Variants in C19orf38 observed in about 807,000 individuals in gnomAD.
C19orf38 encodes the protein protein HIDE1.
A neutral mutation model predicts 26.6 loss-of-function variants in C19orf38; 14 were observed. The observed-to-expected ratio is 0.53, with a 90% CI of 0.35 to 0.82. The LOEUF (loss-of-function observed/expected upper bound fraction) is 0.82, where lower values mean the gene tolerates loss of function less well. Among genes scored for constraint, C19orf38 ranks in the 40% least tolerant of loss-of-function variants. C19orf38 has a pLI of 0.01. For missense variants in C19orf38, 261 were observed against 299.5 expected, an observed-to-expected ratio of 0.87 and a Z score of 0.95; for synonymous variants, 132 against 128.5, an observed-to-expected ratio of 1.03 and a Z score of -0.18.
chr19:10,837,947 A>G (rs1234499307), intron 1 of C19orf38, among the ~76,000 whole-genome samples: 1 of 151,876 alleles, frequency 6.6e-6, no homozygotes, highest in East Asian at 2.0e-4. Context: ...CTACAGGTGT[A>G]CACCTCCATG....
upstream of C19orf38, among the ~76,000 whole-genome samples, chr19:10,847,899 G>A (rs566135958): frequency 7.2e-5 from 11 of 152,168 alleles, no homozygotes; most frequent in South Asian, 2.1e-3. Context: ...TCTCTTAGAA[G>A]GAGAGACAAA....
At chr19:10,849,106 C>T (rs1011045498) in intron 1 of C19orf38, among the ~76,000 whole-genome samples, 2 of 151,826 alleles carry the variant, frequency 1.3e-5, no homozygotes, top group Non-Finnish European at 2.9e-5. Context: ...TCTCACTCAC[C>T]CCCTCCCCTT....
rs144441655 is a variant in C19orf38, at chr19:10,841,568, A to G, written c.-69+4798A>G. Among the ~76,000 whole-genome samples, 309 of 151,860 alleles carry G rather than the reference A, an allele frequency of 2.0e-3. 1 individual carries two copies. The highest frequency in any genetic ancestry group is 7.2e-3 in the African/African-American group (299 of 41,430). On this transcript the variant is annotated intron_variant, in intron 1 of 7. Transcript: ENST00000592854. ...AGCACTTTGGGAGGCCGAGGTGGGT[A>G]GATCACAAGGTCAGGAGATCGAGAC...
upstream of C19orf38, among the ~76,000 whole-genome samples, chr19:10,846,518 A>T (rs1044796908): frequency 4.6e-5 from 7 of 152,282 alleles, no homozygotes; most frequent in Non-Finnish European, 4.4e-5. Flanking sequence ...CAGAAAAAAG[A>T]AAAGAATAAA....
At chr19:10,851,422 C>T (rs913625378) in intron 2 of C19orf38, among the ~76,000 whole-genome samples, 2 of 151,048 alleles carry the variant, frequency 1.3e-5, no homozygotes, top group Non-Finnish European at 2.9e-5. Flanking sequence ...CTCACTTCAT[C>T]CTCCAATTCC....
At chr19:10,863,319 G>T (rs767328311) in intron 6 of C19orf38, 112 bp downstream of exon 6, 1 of 1,221,188 alleles carries the variant, frequency 8.2e-7, no homozygotes, top group Admixed American at 2.1e-5. Flanking sequence ...TCTAAGCTGC[G>T]GGGGGGCTAG....
At chr19:10,863,797 C>T (rs879581754) in intron 6 of C19orf38, among the ~76,000 whole-genome samples, 44 of 152,108 alleles carry the variant, frequency 2.9e-4, no homozygotes, top group East Asian at 1.9e-4. Flanking sequence ...CTTGTAATCT[C>T]AGCTACTTGG....
chr19:10,858,621 C>A (rs903452713), intron 4 of C19orf38, among the ~76,000 whole-genome samples: 1 of 152,182 alleles, frequency 6.6e-6, no homozygotes, highest in African/African-American at 2.4e-5. Flanking sequence ...CACTCAGTCA[C>A]AGAGTGAGCA....
Position 10,869,553 on chromosome 19 carries a change from C to T in C19orf38, c.*186C>T. The stretch of plus-strand genomic sequence containing the variant: ...AGGGGACACAGGCATGGGCCTGGCA[C>T]TATACAGACAACAGGAAGTTCCCCT... On this transcript the variant is annotated 3_prime_UTR_variant, in exon 7 of 7. Transcript: ENST00000397820. 1.2e-6 allele frequency: 1 copy of T among 832,108 alleles called. No individual in the cohort carries two copies. Among genetic ancestry groups the T allele is most frequent in the East Asian group, 2.8e-5 (1 of 35,888 alleles). The allele number at this position is 832,108 out of a possible 1,614,324, so 51.5% of individuals were successfully genotyped here.
upstream of C19orf38, among the ~76,000 whole-genome samples, chr19:10,846,101 G>C (rs2073514307): frequency 6.7e-6 from 1 of 150,020 alleles, no homozygotes; most frequent in Non-Finnish European, 1.5e-5. Flanking sequence ...ATGATCTCTT[G>C]AGCCCAGCAG....
chr19:10,861,954 G>A (rs929587150), intron 5 of C19orf38, among the ~76,000 whole-genome samples: 9 of 150,036 alleles, frequency 6.0e-5, no homozygotes, highest in Non-Finnish European at 1.3e-4. Flanking sequence ...GCTGGAGTGC[G>A]GTGACGCGAT....
At chr19:10,856,731 T>A (rs2073629758) in intron 3 of C19orf38, among the ~76,000 whole-genome samples, 1 of 152,030 alleles carries the variant, frequency 6.6e-6, no homozygotes, top group Non-Finnish European at 1.5e-5. Context: ...CTGGAACTCC[T>A]GACCTCAGGT....
intron 1 of C19orf38, among the ~76,000 whole-genome samples, chr19:10,838,563 T>TC (rs1481010665): frequency 6.6e-6 from 1 of 152,180 alleles, no homozygotes; most frequent in Admixed American, 6.6e-5. Flanking sequence ...TGAAACGGCC[T>TC]CGTTGTCTTG....
chr19:10,850,114 C>T (rs1784584038), intron 1 of C19orf38, 145 bp from the exon 2 acceptor site: 1 of 711,136 alleles, frequency 1.4e-6, no homozygotes, highest in African/African-American at 1.8e-5. Flanking sequence ...CACCATGTGC[C>T]AGGCAGTGTG....
intron 5 of C19orf38, chr19:10,860,177 A>G: frequency 1.8e-6 from 1 of 550,718 alleles, no homozygotes. Context: ...CTCCCTAGAC[A>G]GGGTCTGTGC....
intron 4 of C19orf38, 33 bp from the exon 5 acceptor site, chr19:10,859,882 A>G (rs8100581): frequency 0.88 from 1,363,493 of 1,547,774 alleles, 601,845 homozygotes; most frequent in East Asian, 1. Context: ...GGCAACCCTG[A>G]TCCCTGTCAC....
At chr19:10,846,963 A>C (rs1485294900), upstream of C19orf38, among the ~76,000 whole-genome samples, 1 of 152,202 alleles carries the variant, frequency 6.6e-6, no homozygotes, top group Admixed American at 6.6e-5. Flanking sequence ...GGCCAGGGAA[A>C]TAGTGTGTGC....
At chr19:10,858,714 G>A (rs1482793697) in intron 4 of C19orf38, among the ~76,000 whole-genome samples, 1 of 152,092 alleles carries the variant, frequency 6.6e-6, no homozygotes, top group African/African-American at 2.4e-5. Flanking sequence ...GACACCCACA[G>A]TCAGTTTCTA....
chr19:10,859,888 G>A, intron 4 of C19orf38, 27 bp from the exon 5 acceptor site: 1 of 1,550,332 alleles, frequency 6.5e-7, no homozygotes, highest in Non-Finnish European at 8.7e-7. Flanking sequence ...CCTGATCCCT[G>A]TCACTTTCTC....
Sources: gnomAD v4.1 joint callset for allele counts (sites outside exome capture counted in the v4.1 genomes callset) on GRCh38, gnomAD v4.1.1 for gene constraint, MANE v1.5 for transcripts, NCBI Gene and HGNC (gene_info 2026-07-23, HGNC 2026-07-21) for gene names.